DNAJC27: variants seen among roughly 807,000 people sequenced by gnomAD.
The protein encoded by DNAJC27 is dnaJ homolog subfamily C member 27.
A neutral mutation model predicts 31.4 loss-of-function variants in DNAJC27; 25 were observed. The ratio of observed to expected loss-of-function variants is 0.80; its 90% CI spans 0.58 to 1.11. The LOEUF (loss-of-function observed/expected upper bound fraction) is 1.11. Ranked by LOEUF, DNAJC27 falls within the 50% of genes most tolerant of loss-of-function variation. The pLI, the probability that DNAJC27 is intolerant of heterozygous loss-of-function variation, is 0.00. For missense variants in DNAJC27, 356 were observed against 347.3 expected, an observed-to-expected ratio of 1.02 and a Z score of -0.20; for synonymous variants, 106 against 112.7, an observed-to-expected ratio of 0.94 and a Z score of 0.37.
In DNAJC27 at chr2:24,963,468, G is replaced by A. The variant is rs752028592; in HGVS notation, c.177C>T (p.His59=). 2.2e-5 allele frequency: 35 copies of A among 1,612,608 alleles called. No individual in the cohort carries two copies. The East Asian group carries it at 2.7e-4, about 12-fold the overall frequency. Residue 59 remains histidine, a synonymous_variant, in exon 3 of 7, where the codon CAC becomes CAT. Transcript: ENST00000264711. ...TAACTTTGATTTCTCTGTCTCTGAC[G>A]TGTACCCTGAAATGTTCAAATGGAA... ...IGIDYGVTKV[H]VRDREIKVNI... is the part of the protein sequence containing the mutation.
Position 24,968,016 on chromosome 2 carries a change from C to A in DNAJC27, c.88-723G>T, listed in dbSNP as rs369338967. Among the ~76,000 whole-genome samples, 44 of 150,894 alleles carry A rather than the reference C, an allele frequency of 2.9e-4. No individual in the cohort carries two copies. In the South Asian group the frequency reaches 9.2e-3, roughly 32 times the overall value. On this transcript the variant is annotated intron_variant, in intron 1 of 6. Coordinates refer to ENST00000264711, the MANE Select transcript of DNAJC27 (RefSeq NM_016544.3). Reference sequence around the variant, plus strand: ...GCAGTGAGCCACGATGATGCCACTGCACTCCAGCCTGGGTGGCAGAGGGAG... The same window carrying A: ...GCAGTGAGCCACGATGATGCCACTGAACTCCAGCCTGGGTGGCAGAGGGAG...
intron 3 of DNAJC27, 85 bp downstream of exon 3, chr2:24,963,320 A>G: frequency 9.2e-7 from 1 of 1,088,760 alleles, no homozygotes; most frequent in Non-Finnish European, 1.4e-6. Flanking sequence ...CATGATATCA[A>G]TATTGGTTGT....
intron 1 of DNAJC27, among the ~76,000 whole-genome samples, chr2:24,968,608 C>T (rs575426396): frequency 1.0e-3 from 154 of 152,036 alleles, no homozygotes; most frequent in Non-Finnish European, 1.9e-3. Context: ...TCCCAAAGTG[C>T]TGAGATTACA....
intron 3 of DNAJC27, among the ~76,000 whole-genome samples, chr2:24,961,823 G>T (rs1283126008): frequency 1.3e-5 from 2 of 152,154 alleles, no homozygotes; most frequent in Non-Finnish European, 2.9e-5. Context: ...GGTTTCTTGA[G>T]ATGGAATCTA....
At chr2:24,952,723 T>C (rs1665809640) in intron 5 of DNAJC27, among the ~76,000 whole-genome samples, 1 of 152,188 alleles carries the variant, frequency 6.6e-6, no homozygotes, top group African/African-American at 2.4e-5. Context: ...TCACCGTGTG[T>C]GTGAGACAGA....
At chr2:24,958,969 A>G (rs955144701) in intron 3 of DNAJC27, among the ~76,000 whole-genome samples, 1 of 152,226 alleles carries the variant, frequency 6.6e-6, no homozygotes, top group African/African-American at 2.4e-5. Flanking sequence ...TGTTATACAC[A>G]TCGGGTAGGG....
At chr2:24,950,137 G>A (rs1223544063) in intron 6 of DNAJC27, among the ~76,000 whole-genome samples, 1 of 150,326 alleles carries the variant, frequency 6.7e-6, no homozygotes, top group Non-Finnish European at 1.5e-5. Context: ...TGCCCTACAC[G>A]AGGTCATCTG....
At chr2:24,967,345 A>G (rs1666213550) in intron 1 of DNAJC27, 52 bp from the exon 2 acceptor site, 2 of 1,208,766 alleles carry the variant, frequency 1.7e-6, no homozygotes, top group Admixed American at 1.8e-5. Context: ...GAGAACACAT[A>G]CAGAATAAGT....
At position 24,960,300 on chromosome 2, in the gene DNAJC27, G is replaced by A. The variant is rs796440853; in HGVS notation, c.241-2326C>T. 1.8e-4 allele frequency among the ~76,000 whole-genome samples: 27 copies of A among 152,286 alleles called. 1 individual carries two copies. The highest frequency in any genetic ancestry group is 6.3e-4 in the African/African-American group (26 of 41,566). ...ATTTAAGACAGCAAACTTAATAAAT[G>A]TTGTCTATATTCTGACTGTTCCACC... On this transcript the variant is annotated intron_variant, in intron 3 of 6. Coordinates refer to ENST00000264711, the MANE Select transcript of DNAJC27 (RefSeq NM_016544.3).
intron 1 of DNAJC27, among the ~76,000 whole-genome samples, chr2:24,968,384 A>G (rs1666241056): frequency 3.3e-5 from 5 of 152,166 alleles, no homozygotes; most frequent in Admixed American, 3.3e-4. Flanking sequence ...ATATCATCCT[A>G]TATTTTCCAA....
Position 24,962,249 on chromosome 2 carries a change from T to C in DNAJC27, c.240+1156A>G, listed in dbSNP as rs192354714. ...TTTTTTTGTGTTTTTTGTTTGTTTG[T>C]TTGTTTTTGAATAACACACTCTCTT... is the stretch of plus-strand genomic sequence containing the variant. On this transcript the variant is annotated intron_variant, in intron 3 of 6. Transcript: ENST00000264711. 5.9e-5 allele frequency among the ~76,000 whole-genome samples: 9 copies of C among 152,094 alleles called. No homozygotes were observed. In the East Asian group the frequency reaches 1.7e-3, roughly 29 times the overall value.
At chr2:24,966,933 A>T (rs1013488805) in intron 2 of DNAJC27, among the ~76,000 whole-genome samples, 3 of 152,228 alleles carry the variant, frequency 2.0e-5, no homozygotes, top group African/African-American at 7.2e-5. Flanking sequence ...GGAAAGTTAC[A>T]CCTGCCATTT....
At chr2:24,965,786 T>C (rs533599019) in intron 2 of DNAJC27, among the ~76,000 whole-genome samples, 10 of 152,206 alleles carry the variant, frequency 6.6e-5, no homozygotes, top group African/African-American at 2.4e-4. Flanking sequence ...CTAATCGACA[T>C]TCTGCTAGCT....
chr2:24,971,662 T>G, intron 1 of DNAJC27, 156 bp downstream of exon 1: 4 of 553,300 alleles, frequency 7.2e-6, no homozygotes, highest in Admixed American at 3.7e-5. Flanking sequence ...GGTCGGGGAG[T>G]TTCGTTCGCG....
chr2:24,971,777 C>T, intron 1 of DNAJC27, 41 bp downstream of exon 1: 2 of 1,556,566 alleles, frequency 1.3e-6, no homozygotes, highest in South Asian at 1.2e-5. Flanking sequence ...CACGTCGCCC[C>T]GCCACGCTGG....
intron 6 of DNAJC27, among the ~76,000 whole-genome samples, chr2:24,948,129 T>C (rs1175837488): frequency 3.3e-5 from 5 of 152,100 alleles, no homozygotes; most frequent in African/African-American, 1.2e-4. Flanking sequence ...GAAGGGGTTC[T>C]GGGAGAGAAC....
chr2:24,953,087 T>C (rs897934474), intron 5 of DNAJC27, among the ~76,000 whole-genome samples: 1 of 152,258 alleles, frequency 6.6e-6, no homozygotes, highest in African/African-American at 2.4e-5. Flanking sequence ...AAAGCTTTTT[T>C]GACCCTGCTC....
At chr2:24,967,044 T>A (rs893170095) in intron 2 of DNAJC27, among the ~76,000 whole-genome samples, 167 bp downstream of exon 2, 9 of 152,234 alleles carry the variant, frequency 5.9e-5, no homozygotes, top group African/African-American at 1.9e-4. Flanking sequence ...ATGAATGATA[T>A]GATCACTAGA....
intron 3 of DNAJC27, among the ~76,000 whole-genome samples, chr2:24,960,793 A>G (rs1375556303): frequency 6.6e-6 from 1 of 152,246 alleles, no homozygotes; most frequent in Admixed American, 6.5e-5. Context: ...GAAGCTGCAG[A>G]GGAAAAGTCA....
Sources: gnomAD v4.1 joint callset for allele counts (sites outside exome capture counted in the v4.1 genomes callset) on GRCh38, gnomAD v4.1.1 for gene constraint, MANE v1.5 for transcripts, NCBI Gene and HGNC (gene_info 2026-07-23, HGNC 2026-07-21) for gene names.